The following TCF4 variants were observed in gnomAD, a reference collection of about 807,000 sequenced individuals.
The protein encoded by TCF4 is SL3-3 enhancer factor 2.
TCF4 carries 3 observed loss-of-function variants against 82.1 expected under a neutral mutation model. The observed-to-expected ratio is 0.04, with a 90% CI of 0.02 to 0.09. The LOEUF is 0.09. TCF4 is among the 10% of genes least tolerant of loss of function. The probability of loss-of-function intolerance (pLI) is 1.00; values close to 1 mark genes in which losing one functional copy is unlikely to be tolerated. For missense variants in TCF4, 518 were observed against 852.7 expected (o/e 0.61, Z 4.89); for synonymous variants, 276 against 309.6 (o/e 0.89, Z 1.14).
chr18:55,382,317 A>G (rs2092036131), intron 6 of TCF4, among the ~76,000 whole-genome samples: 1 of 151,930 alleles, frequency 6.6e-6, no homozygotes. Context: ...TTAGTCACGT[A>G]GCCTTTCTCA....
intron 3 of TCF4, among the ~76,000 whole-genome samples, chr18:55,521,676 CT>C (rs1477719428): frequency 3.9e-5 from 6 of 152,178 alleles, no homozygotes; most frequent in Non-Finnish European, 8.8e-5. Flanking sequence ...TTTAATAACC[CT>C]TTTACCTTTG....
At chr18:55,366,057 G>A (rs2087033290) in intron 6 of TCF4, among the ~76,000 whole-genome samples, 1 of 151,828 alleles carries the variant, frequency 6.6e-6, no homozygotes, top group African/African-American at 2.4e-5. Flanking sequence ...CATGTGGATA[G>A]GCCTTCTTTA....
upstream of TCF4, chr18:55,589,806 AAAGAG>A: frequency 9.9e-7 from 1 of 1,008,550 alleles, no homozygotes; most frequent in Non-Finnish European, 1.2e-6. Context: ...GCGGGCTTAT[AAAGAG>A]AAGGAGCTGC....
chr18:55,418,161 C>T (rs73477256), intron 5 of TCF4, among the ~76,000 whole-genome samples: 9,366 of 151,750 alleles, frequency 0.062, 496 homozygotes, highest in African/African-American at 0.14. Context: ...TGAATTTTTC[C>T]AAAAGAGAAG....
At chr18:55,611,698 T>A (rs1316314075) in intron 2 of TCF4, among the ~76,000 whole-genome samples, 1 of 152,218 alleles carries the variant, frequency 6.6e-6, no homozygotes, top group African/African-American at 2.4e-5. Context: ...AATTTGATAA[T>A]ATATTTTATT....
rs546067187 is a variant in TCF4 at position 55,431,927 on chromosome 18, G to A, written c.305-28409C>T. ...AGGACATAGGGAGCTACCAAAAGGC[G>A]GTGCACGGATATCTCTGAAAGTCAA... On this transcript the variant is annotated intron_variant, in intron 5 of 19. Coordinates refer to ENST00000354452, the MANE Select transcript of TCF4 (RefSeq NM_001083962.2). Among the ~76,000 whole-genome samples, 21 of 152,236 alleles carry A rather than the reference G, an allele frequency of 1.4e-4. 1 individual carries two copies. The South Asian group carries it at 2.9e-3, about 21-fold the overall frequency.
chr18:55,278,975 A>G (rs1486346402), intron 9 of TCF4, among the ~76,000 whole-genome samples: 1 of 152,198 alleles, frequency 6.6e-6, no homozygotes, highest in Non-Finnish European at 1.5e-5. Context: ...GGACAATTCC[A>G]TAATTTCCTA....
At position 55,329,499 on chromosome 18, in the gene TCF4, G is replaced by A. The variant is rs138745374; in HGVS notation, c.549+20860C>T. 1.9e-4 allele frequency among the ~76,000 whole-genome samples: 29 copies of A among 152,056 alleles called. No homozygotes were observed. In the East Asian group the frequency reaches 3.5e-3, roughly 18 times the overall value. On this transcript the variant is annotated intron_variant, in intron 8 of 19. Coordinates refer to ENST00000354452, the MANE Select transcript of TCF4 (RefSeq NM_001083962.2). ...TAATGTGCAATTTTAAAAAATTCTG[G>A]GTTTTCATTAAATAACAGTGAAAGA...
At chr18:55,635,307 G>A (rs1320200896) in intron 1 of TCF4, among the ~76,000 whole-genome samples, 3 of 152,068 alleles carry the variant, frequency 2.0e-5, no homozygotes, top group African/African-American at 4.8e-5. Context: ...TCAGGAATTC[G>A]AGGCCAGCCC....
Position 55,248,760 on chromosome 18 carries a change from T to G in TCF4, c.1350+5737A>C, listed in dbSNP as rs140823379. On this transcript the variant is annotated intron_variant, in intron 15 of 19. Coordinates refer to ENST00000354452, the MANE Select transcript of TCF4 (RefSeq NM_001083962.2). ...CTGTTTTGTCTGGTTTCCTTTTTTGTGTGTGTGGCAGGGTCTCTCTGTCAC... is the reference window on the plus strand; with the variant it reads ...CTGTTTTGTCTGGTTTCCTTTTTTGGGTGTGTGGCAGGGTCTCTCTGTCAC... Among the ~76,000 whole-genome samples the G allele has an allele frequency of 6.7e-3, 1,026 of 152,258 alleles. 21 individuals carry two copies. The highest frequency in any genetic ancestry group is 5.7e-3 in the Non-Finnish European group (389 of 68,008).
chr18:55,436,663 T>C (rs1456271121), intron 5 of TCF4, among the ~76,000 whole-genome samples: 4 of 152,206 alleles, frequency 2.6e-5, no homozygotes, highest in African/African-American at 7.2e-5. Flanking sequence ...TAGGAGCCTA[T>C]GAAATTGCAG....
chr18:55,492,832 G>A (rs1235892278), intron 3 of TCF4, among the ~76,000 whole-genome samples: 4 of 152,122 alleles, frequency 2.6e-5, no homozygotes, highest in Non-Finnish European at 5.9e-5. Context: ...ATACTATCTG[G>A]CTAAAGCCCA....
intron 5 of TCF4, among the ~76,000 whole-genome samples, chr18:55,409,900 C>A (rs2094272124): frequency 6.6e-6 from 1 of 152,168 alleles, no homozygotes; most frequent in Non-Finnish European, 1.5e-5. Flanking sequence ...TGACATTATT[C>A]TTTCAATTTC....
intron 3 of TCF4, among the ~76,000 whole-genome samples, chr18:55,513,942 T>C (rs758908909): frequency 5.9e-5 from 9 of 152,204 alleles, no homozygotes; most frequent in Non-Finnish European, 1.2e-4. Flanking sequence ...ATCATAAACA[T>C]GCAAATCCCT....
At chr18:55,465,326 T>C (rs2095988960) in intron 3 of TCF4, among the ~76,000 whole-genome samples, 1 of 152,184 alleles carries the variant, frequency 6.6e-6, no homozygotes, top group East Asian at 1.9e-4. Flanking sequence ...ATTTATTTAT[T>C]TTGGGATACA....
At chr18:55,308,525 G>A (rs957218400) in intron 8 of TCF4, among the ~76,000 whole-genome samples, 2 of 152,182 alleles carry the variant, frequency 1.3e-5, no homozygotes, top group Non-Finnish European at 2.9e-5. Flanking sequence ...ACATATGCCC[G>A]TATGGTGGAT....
chr18:55,228,045 AAG>A lies in TCF4; in HGVS notation c.*5-17_*5-16del, dbSNP rs2144352227. 1.3e-6 allele frequency: 1 copy of A among 795,436 alleles called. No individual in the cohort carries two copies. The highest frequency in any genetic ancestry group is 1.9e-6 in the Non-Finnish European group (1 of 520,170). The allele number at this position is 795,436 out of a possible 1,614,324, so 49.3% of individuals were successfully genotyped here. A position where few individuals can be genotyped will look rare whatever the true frequency, so the allele number is the denominator to read the frequency against. On this transcript the variant is annotated splice_polypyrimidine_tract_variant and intron_variant, in intron 19 of 19. Transcript: ENST00000354452. ...GCAACTTGGACCTGAGAAAGGAAAA[AAG>A]AGAGAAAAAATTCATTAATATATTT...
rs145622356 is a variant in TCF4 at position 55,437,393 on chromosome 18, T to C, written c.304+23626A>G. On this transcript the variant is annotated intron_variant, in intron 5 of 19. Transcript: ENST00000354452. ...AATTAAAATATAAAAGAGGGATAAT[T>C]TCAGCCCATTCTCTCTCTCAATGGA... 4.1e-3 allele frequency among the ~76,000 whole-genome samples: 627 copies of C among 152,294 alleles called. 3 individuals carry two copies. The highest frequency in any genetic ancestry group is 6.9e-3 in the Non-Finnish European group (471 of 68,002).
intron 2 of TCF4, among the ~76,000 whole-genome samples, chr18:55,613,731 G>A (rs369913194): frequency 5.3e-5 from 8 of 152,122 alleles, no homozygotes; most frequent in African/African-American, 7.2e-5. Flanking sequence ...ACTATCACAC[G>A]AACAGCAAGG....
Sources: allele counts gnomAD v4.1 joint callset (sites outside exome capture counted in the v4.1 genomes callset), GRCh38; gene constraint gnomAD v4.1.1; transcripts MANE v1.5; gene names NCBI Gene and HGNC (gene_info 2026-07-23, HGNC 2026-07-21).